NEB: variants seen among roughly 807,000 people sequenced by gnomAD.
NEB encodes the protein nebulin, also known as nemaline myopathy type 2.
A neutral mutation model predicts 952.2 loss-of-function variants in NEB; 512 were observed. That is an observed-to-expected ratio of 0.54 (90% CI 0.50 to 0.58). The LOEUF (loss-of-function observed/expected upper bound fraction) is 0.58. NEB is among the 20% of genes least tolerant of loss of function. The probability of loss-of-function intolerance (pLI) is 0.00; values close to 1 mark genes in which losing one functional copy is unlikely to be tolerated. For synonymous variants in NEB, 2,900 were observed against 3,149.8 expected, an observed-to-expected ratio of 0.92 and a Z score of 2.66; for missense variants, 8,428 against 9,231.1, an observed-to-expected ratio of 0.91 and a Z score of 3.56.
rs750274374 is a variant in NEB at position 151,640,421 on chromosome 2, C to G, written c.8619G>C (p.Gln2873His). Residue 2873 changes from glutamine to histidine, a missense_variant, in exon 61 of 182, where the codon CAG (glutamine) becomes CAC (histidine). Around this residue, in one of 11 missense-constraint regions of NEB, gnomAD observed 1,772 missense variants for 1,960.3 expected, o/e 0.90. Coordinates refer to ENST00000397345, the MANE Select transcript of NEB (RefSeq NM_001164508.2). ...CGCTCTGGTCGGGCAGGCATGTCCA[C>G]TGGTGCAGGTAGTTCTTGTAGTCCA... ...SDVDYKNYLHQWTCLPDQSDV... is the reference protein window; with the variant it reads ...SDVDYKNYLHHWTCLPDQSDV... 2 of 1,613,978 alleles carry G rather than the reference C, an allele frequency of 1.2e-6. No homozygotes were observed. Among genetic ancestry groups the G allele is most frequent in the Non-Finnish European group, 8.5e-7 (1 of 1,179,886 alleles).
At position 151,540,818 on chromosome 2, in the gene NEB, A is replaced by C. The variant is rs2093939917; in HGVS notation, c.20683-17T>G. 6.3e-7 allele frequency: 1 copy of C among 1,580,792 alleles called. No homozygotes were observed. Among genetic ancestry groups the C allele is most frequent in the South Asian group, 1.1e-5 (1 of 90,412 alleles). ...ATACAGATACTGAATAATAGAAGAA[A>C]GTGAGGTGTCATAGAGATAAAGCAT... On this transcript the variant is annotated splice_polypyrimidine_tract_variant and intron_variant, in intron 136 of 181. Coordinates refer to ENST00000397345, the MANE Select transcript of NEB (RefSeq NM_001164508.2).
chr2:151,496,867 A>C, intron 172 of NEB, 74 bp downstream of exon 172: 2 of 1,414,596 alleles, frequency 1.4e-6, no homozygotes, highest in Non-Finnish European at 1.9e-6. Flanking sequence ...AAATAGGATT[A>C]ATATGTATTA....
chr2:151,644,251 T>A (rs766717388), intron 56 of NEB, 122 bp from the exon 57 acceptor site: 11 of 1,368,098 alleles, frequency 8.0e-6, no homozygotes, highest in Non-Finnish European at 1.1e-5. Flanking sequence ...AAGACTTCAG[T>A]CTTTTGATAA....
At chr2:151,564,004 A>G in intron 117 of NEB, 74 bp from the exon 118 acceptor site, 1 of 1,091,570 alleles carries the variant, frequency 9.2e-7, no homozygotes. Context: ...CAATTGGTCT[A>G]ATTAAGGTGA....
intron 46 of NEB, among the ~76,000 whole-genome samples, chr2:151,659,598 G>T (rs1054205640): frequency 1.3e-5 from 2 of 152,018 alleles, no homozygotes; most frequent in Admixed American, 1.3e-4. Context: ...ACTGCACCTG[G>T]CCCAAAAAAA....
chr2:151,512,019 CTTTTTTTTTTTT>C lies in NEB; in HGVS notation c.23346+702_23346+713del, dbSNP rs71403173. On this transcript the variant is annotated intron_variant, in intron 161 of 181. Coordinates refer to ENST00000397345, the MANE Select transcript of NEB (RefSeq NM_001164508.2). The stretch of plus-strand genomic sequence containing the variant: ...CTGCATCATAGGTTACCCTCTCACT[CTTTTTTTTTTTT>C]TTTTTTTTTTTTTTTTTGAGACAGA... Among the ~76,000 whole-genome samples, 7 of 93,586 alleles carry C rather than the reference CTTTTTTTTTTTT, an allele frequency of 7.5e-5. No homozygotes were observed. In the East Asian group the frequency reaches 1.3e-3, roughly 17 times the overall value. 61.4% of individuals were successfully genotyped at this position (93,586 alleles called of 152,430 possible).
intron 35 of NEB, among the ~76,000 whole-genome samples, chr2:151,675,042 T>C (rs2099348377): frequency 1.3e-5 from 2 of 152,168 alleles, no homozygotes; most frequent in African/African-American, 2.4e-5. Flanking sequence ...CAAGTAGAAG[T>C]TTTAGGGGAA....
At chr2:151,554,133 G>A (rs2095493257) in intron 125 of NEB, 108 bp from the exon 126 acceptor site, 1 of 941,488 alleles carries the variant, frequency 1.1e-6, no homozygotes, top group Non-Finnish European at 1.7e-6. Flanking sequence ...TTGGGGGCAG[G>A]GCAGTGACTG....
At chr2:151,494,767 G>A (rs2059038354) in intron 173 of NEB, among the ~76,000 whole-genome samples, 1 of 152,158 alleles carries the variant, frequency 6.6e-6, no homozygotes, top group Admixed American at 6.5e-5. Flanking sequence ...TTCTGCCTCA[G>A]CCTCCTGAGT....
At chr2:151,493,752 T>TTTA (rs761287911) in intron 175 of NEB, 23 bp downstream of exon 175, 35 of 1,489,458 alleles carry the variant, frequency 2.3e-5, no homozygotes, top group Non-Finnish European at 3.0e-5. Context: ...ATTTTAAGGA[T>TTTA]TTATTTTTCC....
intron 34 of NEB, 132 bp downstream of exon 34, chr2:151,677,433 T>A: frequency 1.4e-6 from 1 of 690,174 alleles, no homozygotes; most frequent in Non-Finnish European, 2.1e-6. Context: ...CTGTAATTTT[T>A]AAAAAATTAA....
intron 141 of NEB, 62 bp from the exon 142 acceptor site, chr2:151,535,857 G>T: frequency 1.2e-6 from 1 of 852,852 alleles, no homozygotes; most frequent in Non-Finnish European, 1.9e-6. Context: ...AATGAGACAT[G>T]CTGTTTATCA....
chr2:151,568,477 G>T, intron 111 of NEB, 60 bp from the exon 112 acceptor site: 1 of 1,515,302 alleles, frequency 6.6e-7, no homozygotes, highest in Non-Finnish European at 9.2e-7. Context: ...GCATCATGTT[G>T]TCCAAGCAAT....
At chr2:151,604,167 A>G (rs2097592185) in intron 85 of NEB, among the ~76,000 whole-genome samples, 1 of 119,626 alleles carries the variant, frequency 8.4e-6, no homozygotes, top group Non-Finnish European at 1.7e-5. Flanking sequence ...AGAAAAAAAT[A>G]CATACCTGTA....
chr2:151,533,956 G>T (rs1039052856), intron 142 of NEB, among the ~76,000 whole-genome samples: 2 of 152,156 alleles, frequency 1.3e-5, no homozygotes, highest in African/African-American at 4.8e-5. Context: ...TTTTCAAACA[G>T]GTTCTCCAGA....
intron 17 of NEB, among the ~76,000 whole-genome samples, chr2:151,696,187 T>C (rs114650981): frequency 6.6e-6 from 1 of 152,212 alleles, no homozygotes; most frequent in Non-Finnish European, 1.5e-5. Flanking sequence ...AGATTCCAAT[T>C]TCCAGAAACT....
intron 81 of NEB, among the ~76,000 whole-genome samples, chr2:151,609,570 A>G (rs182737073): frequency 3.2e-4 from 48 of 152,358 alleles, no homozygotes; most frequent in African/African-American, 9.1e-4. Flanking sequence ...GATCTAGCAT[A>G]ATAGCAACAA....
Position 151,501,391 on chromosome 2 carries a change from C to G in NEB, c.24021G>C (p.Ser8007=). The part of the protein sequence containing the change: ...RVKLNQENFS[S]VLYKENVGKG... Reference sequence around the variant, plus strand: ...AGTTAAAGAGCTTTCTCCCAAATACCGAGCTAAAGTTTTCTTGATTGAGTT... The same window carrying G: ...AGTTAAAGAGCTTTCTCCCAAATACGGAGCTAAAGTTTTCTTGATTGAGTT... Residue 8007 remains serine (S), a splice_region_variant and synonymous_variant, in exon 168 of 182, where the codon TCG becomes TCC. Coordinates refer to ENST00000397345, the MANE Select transcript of NEB (RefSeq NM_001164508.2). 2 of 1,541,836 alleles carry G rather than the reference C, an allele frequency of 1.3e-6. No homozygotes were observed. Among genetic ancestry groups the G allele is most frequent in the Non-Finnish European group, 1.8e-6 (2 of 1,139,108 alleles).
chr2:151,616,411 G>A (rs1436176993), intron 75 of NEB, among the ~76,000 whole-genome samples: 4 of 152,112 alleles, frequency 2.6e-5, no homozygotes, highest in South Asian at 2.1e-4. Context: ...TTTACTGGCC[G>A]GGCGTGGTGG....
Sources: allele counts gnomAD v4.1 joint callset (sites outside exome capture counted in the v4.1 genomes callset), GRCh38; gene constraint gnomAD v4.1.1; regional missense constraint gnomAD v4.1.1; transcripts MANE v1.5; gene names NCBI Gene and HGNC (gene_info 2026-07-23, HGNC 2026-07-21).